Variants in PASD1 observed in about 807,000 individuals in gnomAD.
The protein encoded by PASD1 is PAS domain containing repressor 1, also known as circadian clock protein PASD1.
A neutral mutation model predicts 58.8 loss-of-function variants in PASD1; 13 were observed. That is an observed-to-expected ratio of 0.22 (90% confidence interval 0.14 to 0.35). The LOEUF is 0.35. Among genes scored for constraint, PASD1 ranks in the 10% least tolerant of loss-of-function variants. The probability of loss-of-function intolerance (pLI) is 1.00; values close to 1 mark genes in which losing one functional copy is unlikely to be tolerated. For missense variants in PASD1, 734 were observed against 568.3 expected (o/e 1.29, Z -2.96); for synonymous variants, 236 against 216.7 (o/e 1.09, Z -0.78).
At chrX:151,607,555 A>G (rs2013503366) in intron 3 of PASD1, among the ~76,000 whole-genome samples, 1 of 112,093 alleles carries the variant, frequency 8.9e-6, no homozygotes, top group Non-Finnish European at 1.9e-5. Context: ...GAGCTTCACA[A>G]GAACACACAG....
At chrX:151,601,603 A>G in intron 2 of PASD1, 22 bp downstream of exon 2, 1 of 1,203,934 alleles carries the variant, frequency 8.3e-7, no homozygotes, top group Non-Finnish European at 1.1e-6. Flanking sequence ...TAACTGACTG[A>G]CATTTCTGTC....
At chrX:151,631,025 G>C (rs1319891998) in intron 8 of PASD1, among the ~76,000 whole-genome samples, 1 of 112,013 alleles carries the variant, frequency 8.9e-6, no homozygotes, top group Admixed American at 9.5e-5. Context: ...GTAGCCCTCT[G>C]CTGTCTTGCT....
intron 8 of PASD1, among the ~76,000 whole-genome samples, chrX:151,634,100 A>T (rs35636314): frequency 0.28 from 31,067 of 110,524 alleles, 3,448 homozygotes; most frequent in African/African-American, 0.35. Flanking sequence ...TGCCATTTTT[A>T]AAATTTCTTT....
chrX:151,619,055 G>C (rs183521408), intron 4 of PASD1, among the ~76,000 whole-genome samples: 3 of 111,109 alleles, frequency 2.7e-5, no homozygotes, highest in Non-Finnish European at 3.8e-5. Context: ...GGTGGCAGGG[G>C]CATGGCAAGA....
intron 1 of PASD1, among the ~76,000 whole-genome samples, chrX:151,588,971 C>A (rs985970134): frequency 1.8e-5 from 2 of 111,217 alleles, no homozygotes; most frequent in Admixed American, 9.6e-5. Flanking sequence ...GTGAGCTTTC[C>A]CCACATCCCT....
At chrX:151,650,187 A>C (rs2014113200) in intron 9 of PASD1, among the ~76,000 whole-genome samples, 1 of 111,683 alleles carries the variant, frequency 9.0e-6, no homozygotes, top group South Asian at 3.7e-4. Flanking sequence ...TCAGTGTAAC[A>C]TCTACACAGT....
At position 151,653,747 on chromosome X, in the gene PASD1, CTTCCTTCT is replaced by C. The variant is rs1422301112; in HGVS notation, c.717+5049_717+5056del. 6.7e-4 allele frequency among the ~76,000 whole-genome samples: 27 copies of C among 40,036 alleles called. 1 individual carries two copies. The highest frequency in any genetic ancestry group is 9.2e-4 in the African/African-American group (13 of 14,122). The allele number at this position is 40,036 out of a possible 115,157, so 34.8% of individuals were successfully genotyped here. A position where few individuals can be genotyped will look rare whatever the true frequency, so the allele number is the denominator to read the frequency against. On this transcript the variant is annotated intron_variant, in intron 9 of 15. Coordinates refer to ENST00000370357, the MANE Select transcript of PASD1 (RefSeq NM_173493.3). ...TTCCTTCTCTCTCTCTCTTTCTTTC[CTTCCTTCT>C]TTCTTTCTTTCTTTCTTTCTTTCTT...
intron 11 of PASD1, among the ~76,000 whole-genome samples, chrX:151,667,580 G>A (rs1236322885): frequency 8.9e-6 from 1 of 112,266 alleles, no homozygotes; most frequent in Non-Finnish European, 1.9e-5. Context: ...AAGGGATCCA[G>A]TTTCAGCTTT....
At chrX:151,582,881 A>G (rs1051413532) in intron 1 of PASD1, among the ~76,000 whole-genome samples, 1 of 111,738 alleles carries the variant, frequency 8.9e-6, no homozygotes, top group Admixed American at 9.5e-5. Flanking sequence ...CAGCATAGTT[A>G]TGATTTTTTG....
At chrX:151,604,278 T>C (rs955743907) in intron 2 of PASD1, among the ~76,000 whole-genome samples, 5 of 111,791 alleles carry the variant, frequency 4.5e-5, no homozygotes, top group African/African-American at 1.6e-4. Context: ...AGGGAAGGGC[T>C]TTGGGAGTCT....
chrX:151,644,316 C>T (rs1310877489), intron 8 of PASD1, among the ~76,000 whole-genome samples: 1 of 111,782 alleles, frequency 8.9e-6, no homozygotes, highest in African/African-American at 3.3e-5. Context: ...AGCCCTGTAG[C>T]CACAGAACAC....
intron 1 of PASD1, among the ~76,000 whole-genome samples, chrX:151,596,204 G>A (rs1027224486): frequency 5.4e-5 from 6 of 111,984 alleles, no homozygotes. Context: ...TTAACTCAAG[G>A]TTCTGCAGGA....
intron 2 of PASD1, among the ~76,000 whole-genome samples, chrX:151,603,538 A>C (rs1246975697): frequency 8.9e-6 from 1 of 111,786 alleles, no homozygotes; most frequent in Non-Finnish European, 1.9e-5. Context: ...CAATGGAGAA[A>C]TTTCTTCAGA....
chrX:151,595,534 T>A (rs1309147226), intron 1 of PASD1, among the ~76,000 whole-genome samples: 4 of 107,278 alleles, frequency 3.7e-5, no homozygotes, highest in Non-Finnish European at 7.7e-5. Context: ...CTGGCTAACA[T>A]GGTGAAACCC....
intron 8 of PASD1, among the ~76,000 whole-genome samples, chrX:151,642,088 T>C (rs2014005510): frequency 1.8e-5 from 2 of 112,306 alleles, no homozygotes; most frequent in African/African-American, 6.5e-5. Flanking sequence ...AAAACATTTA[T>C]ATGCTAAGAT....
At chrX:151,576,664 AGTGT>A (rs751920611) in intron 1 of PASD1, among the ~76,000 whole-genome samples, 1 of 111,553 alleles carries the variant, frequency 9.0e-6, no homozygotes, top group African/African-American at 3.3e-5. Context: ...ATCAATAAGA[AGTGT>A]GTGTGTGTAT....
chrX:151,633,806 T>C (rs958063561), intron 8 of PASD1, among the ~76,000 whole-genome samples: 1 of 112,487 alleles, frequency 8.9e-6, no homozygotes, highest in Non-Finnish European at 1.9e-5. Flanking sequence ...GAAAAAAGTC[T>C]AATAAATATA....
intron 4 of PASD1, among the ~76,000 whole-genome samples, chrX:151,615,833 A>G (rs777746861): frequency 4.4e-5 from 5 of 112,433 alleles, no homozygotes; most frequent in Non-Finnish European, 7.5e-5. Flanking sequence ...TTTCTCTTCT[A>G]TAAGTGGGGA....
intron 7 of PASD1, among the ~76,000 whole-genome samples, chrX:151,623,287 T>C (rs1357940197): frequency 8.9e-6 from 1 of 112,020 alleles, no homozygotes; most frequent in Non-Finnish European, 1.9e-5. Context: ...TGCACAATCA[T>C]TTACAAGTAG....
Sources: gnomAD v4.1 joint callset for allele counts (sites outside exome capture counted in the v4.1 genomes callset) on GRCh38, gnomAD v4.1.1 for gene constraint, MANE v1.5 for transcripts, NCBI Gene and HGNC (gene_info 2026-07-23, HGNC 2026-07-21) for gene names.